ADGRB1: variants seen among roughly 807,000 people sequenced by gnomAD.
The protein encoded by ADGRB1 is brain-specific angiogenesis inhibitor 1.
A neutral mutation model predicts 175.7 loss-of-function variants in ADGRB1; 36 were observed. The observed-to-expected ratio is 0.20, with a 90% CI of 0.16 to 0.27. The LOEUF (loss-of-function observed/expected upper bound fraction) is 0.27. Ranked by LOEUF, ADGRB1 falls within the 10% of genes least tolerant of loss-of-function variation. The pLI is 1.00. For missense variants in ADGRB1, 1,731 were observed against 2,255.3 expected (o/e 0.77, Z 4.71); for synonymous variants, 1,054 against 979.4 (o/e 1.08, Z -1.42).
At chr8:142,544,003 C>T (rs977756503) in intron 30 of ADGRB1, among the ~76,000 whole-genome samples, 2 of 152,050 alleles carry the variant, frequency 1.3e-5, no homozygotes, top group African/African-American at 4.8e-5. Flanking sequence ...CCGTGGGGTT[C>T]GCAACCTCTG....
At chr8:142,475,225 G>A (rs896539679) in intron 2 of ADGRB1, among the ~76,000 whole-genome samples, 1 of 152,180 alleles carries the variant, frequency 6.6e-6, no homozygotes, top group Admixed American at 6.5e-5. Context: ...TCATCCTGGC[G>A]GCAAACCTGC....
intron 24 of ADGRB1, among the ~76,000 whole-genome samples, chr8:142,532,482 C>T (rs898999647): frequency 2.6e-5 from 4 of 152,056 alleles, no homozygotes; most frequent in African/African-American, 4.8e-5. Flanking sequence ...TGGCACTGAG[C>T]GGCAGAGGCA....
At chr8:142,519,678 ATGG>A (rs1843654369) in intron 19 of ADGRB1, among the ~76,000 whole-genome samples, 2 of 114,084 alleles carry the variant, frequency 1.8e-5, no homozygotes, top group African/African-American at 3.4e-5. Flanking sequence ...AGTGGTGGTG[ATGG>A]TGGTAGTGGT....
chr8:142,477,213 A>G lies in ADGRB1; in HGVS notation c.1157A>G (p.Tyr386Cys), dbSNP rs1176533041. ...ACGCGCTTCTGCGTGTCCTCCTCCT[A>G]CAGCACGCAGTGCAGCGGACCCCTG... ...TRTRFCVSSS[Y>C]STQCSGPLRE... The change falls in exon 5 of 31, where the codon TAC (tyrosine) becomes TGC (cysteine). Residue 386 changes from tyrosine (Y) to cysteine (C), a missense_variant. By Grantham distance (194) the Tyr-to-Cys change is radical. Coordinates refer to ENST00000517894, the MANE Select transcript of ADGRB1 (RefSeq NM_001702.3). The G allele has an allele frequency of 6.3e-7, 1 of 1,597,580 alleles. No individual in the cohort carries two copies. The highest frequency in any genetic ancestry group is 8.5e-7 in the Non-Finnish European group (1 of 1,177,106).
At chr8:142,490,645 A>C in intron 16 of ADGRB1, 127 bp from the exon 17 acceptor site, 2 of 1,097,740 alleles carry the variant, frequency 1.8e-6, no homozygotes. Context: ...CGCAAAACGC[A>C]GTCTGTTCAG....
chr8:142,461,224 G>A (rs764078714), intron 1 of ADGRB1, among the ~76,000 whole-genome samples: 23 of 152,194 alleles, frequency 1.5e-4, no homozygotes, highest in Non-Finnish European at 1.9e-4. Context: ...GCCCAGTACC[G>A]GCTGTGAGCC....
Position 142,526,525 on chromosome 8 carries a change from C to CCCCCA in ADGRB1, c.3313-17_3313-16insCCCCA. 1.3e-6 allele frequency: 2 copies of CCCCCA among 1,560,322 alleles called. No individual in the cohort carries two copies. The highest frequency in any genetic ancestry group is 1.8e-5 in the Admixed American group (1 of 54,458). On this transcript the variant is annotated splice_polypyrimidine_tract_variant and intron_variant, in intron 23 of 30. Coordinates refer to ENST00000517894, the MANE Select transcript of ADGRB1 (RefSeq NM_001702.3). ...GCGGCCCCCACCCCCACACCCCCACCACTCTCTGCCCGGCAGGTGAACATG... is the reference window on the plus strand; with the variant it reads ...GCGGCCCCCACCCCCACACCCCCACCCCCCAACTCTCTGCCCGGCAGGTGAACATG...
intron 2 of ADGRB1, among the ~76,000 whole-genome samples, chr8:142,472,430 C>T (rs967351484): frequency 2.0e-5 from 3 of 152,186 alleles, no homozygotes; most frequent in Non-Finnish European, 4.4e-5. Flanking sequence ...GGAGGGGCGG[C>T]CCACCCCCCA....
At chr8:142,528,706 C>T (rs1055364608) in intron 24 of ADGRB1, among the ~76,000 whole-genome samples, 7 of 152,182 alleles carry the variant, frequency 4.6e-5, no homozygotes, top group African/African-American at 7.2e-5. Flanking sequence ...CTCTGAGTCA[C>T]CTTCTGTTTG....
intron 1 of ADGRB1, among the ~76,000 whole-genome samples, chr8:142,461,049 G>A (rs1839943647): frequency 6.6e-6 from 1 of 152,200 alleles, no homozygotes; most frequent in Non-Finnish European, 1.5e-5. Flanking sequence ...TGATACCAGG[G>A]CCCTAGGGGA....
At chr8:142,518,113 T>A (rs759665180) in intron 18 of ADGRB1, 25 bp from the exon 19 acceptor site, 1 of 1,610,508 alleles carries the variant, frequency 6.2e-7, no homozygotes, top group Non-Finnish European at 8.5e-7. Flanking sequence ...CCTCACTCCC[T>A]GCGGTCTCTT....
intron 2 of ADGRB1, among the ~76,000 whole-genome samples, chr8:142,469,349 G>T (rs560969199): frequency 1.1e-4 from 17 of 151,830 alleles, no homozygotes; most frequent in African/African-American, 4.1e-4. Context: ...GAATGTGGGA[G>T]TGTCTATGTG....
At chr8:142,489,472 G>A (rs1319130444) in intron 16 of ADGRB1, 34 bp downstream of exon 16, 2 of 1,597,056 alleles carry the variant, frequency 1.3e-6, no homozygotes, top group Non-Finnish European at 1.7e-6. Flanking sequence ...TCTGATGCCA[G>A]CAGAAACGCG....
Position 142,464,891 on chromosome 8 carries a change from C to A in ADGRB1, c.693C>A (p.Arg231=). The part of the protein sequence containing the change: ...GGPAAGPLAP[R]GDVCLRDAVA... ...CTGCCGCGGGACCCCTGGCCCCCCG[C>A]GGGGATGTCTGCTTGAGAGATGCGG... Residue 231 remains arginine (R), a synonymous_variant, in exon 2 of 31, where the codon CGC becomes CGA. Coordinates refer to ENST00000517894, the MANE Select transcript of ADGRB1 (RefSeq NM_001702.3). The A allele has an allele frequency of 9.2e-6, 14 of 1,525,938 alleles. No individual in the cohort carries two copies. The highest frequency in any genetic ancestry group is 1.2e-5 in the Non-Finnish European group (14 of 1,141,938). The allele number at this position is 1,525,938 out of a possible 1,614,324, so 94.5% of individuals were successfully genotyped here. A position where few individuals can be genotyped will look rare whatever the true frequency, so the allele number is the denominator to read the frequency against.
At chr8:142,530,538 C>A (rs566787459) in intron 24 of ADGRB1, among the ~76,000 whole-genome samples, 5 of 152,208 alleles carry the variant, frequency 3.3e-5, no homozygotes, top group African/African-American at 1.2e-4. Flanking sequence ...TTTTAGGAGC[C>A]GTGGGAGAAG....
chr8:142,517,143 G>C (rs972118955), intron 18 of ADGRB1, among the ~76,000 whole-genome samples: 2 of 152,134 alleles, frequency 1.3e-5, no homozygotes, highest in Admixed American at 6.5e-5. Context: ...TGGGGGGCTC[G>C]GGACATTCTT....
intron 9 of ADGRB1, among the ~76,000 whole-genome samples, chr8:142,480,515 G>A (rs1167286590): frequency 6.6e-6 from 1 of 152,184 alleles, no homozygotes; most frequent in African/African-American, 2.4e-5. Flanking sequence ...GCATGTTCTC[G>A]GTAGCAGATT....
chr8:142,481,912 A>C (rs190247997), intron 11 of ADGRB1, among the ~76,000 whole-genome samples: 147 of 143,534 alleles, frequency 1.0e-3, no homozygotes, highest in African/African-American at 3.6e-3. Context: ...AGCCCTGATC[A>C]TAGGCTGAGC....
Position 142,455,779 on chromosome 8 carries a change from C to T in ADGRB1, c.-220+5675C>T, listed in dbSNP as rs1014493750. Reference sequence around the variant, plus strand: ...GAAGATGGTGCTGGCTGGGCACTGGCCTGGGTGCAAGGCGGGGAAGGAGGC... The same window carrying T: ...GAAGATGGTGCTGGCTGGGCACTGGTCTGGGTGCAAGGCGGGGAAGGAGGC... On this transcript the variant is annotated intron_variant, in intron 1 of 30. Coordinates refer to ENST00000517894, the MANE Select transcript of ADGRB1 (RefSeq NM_001702.3). The surrounding 1 kb of genome is among the most constrained non-coding windows in gnomAD (Gnocchi z 4.9). Among the ~76,000 whole-genome samples, 2 of 152,176 alleles carry T rather than the reference C, an allele frequency of 1.3e-5. 1 individual carries two copies. The highest frequency in any genetic ancestry group is 4.1e-4 in the South Asian group (2 of 4,830).
Sources: gnomAD v4.1 joint callset for allele counts (sites outside exome capture counted in the v4.1 genomes callset) on GRCh38, gnomAD v4.1.1 for gene constraint, Gnocchi (gnomAD v3.1) non-coding constraint, MANE v1.5 for transcripts, NCBI Gene and HGNC (gene_info 2026-07-23, HGNC 2026-07-21) for gene names.